EFCAB5: variants seen among roughly 807,000 people sequenced by gnomAD.
EFCAB5 encodes EF-hand calcium binding domain 5.
EFCAB5 carries 131 observed loss-of-function variants against 167.9 expected under a neutral mutation model. That is an observed-to-expected ratio of 0.78 (90% CI 0.68 to 0.90). EFCAB5 has a LOEUF of 0.90. Among genes scored for constraint, EFCAB5 ranks in the 40% least tolerant of loss-of-function variants. The probability of loss-of-function intolerance (pLI) is 0.00; values close to 1 mark genes in which losing one functional copy is unlikely to be tolerated. For synonymous variants in EFCAB5, 574 were observed against 602.8 expected, an observed-to-expected ratio of 0.95 and a Z score of 0.70; for missense variants, 1,663 against 1,745.2, an observed-to-expected ratio of 0.95 and a Z score of 0.84.
intron 7 of EFCAB5, among the ~76,000 whole-genome samples, chr17:30,017,796 G>A (rs1488083832): frequency 6.6e-6 from 1 of 151,910 alleles, no homozygotes; most frequent in African/African-American, 2.4e-5. Context: ...CCCAGTTTTA[G>A]TTATTTTATA....
At chr17:29,936,087 A>G (rs953693855) in intron 1 of EFCAB5, among the ~76,000 whole-genome samples, 1 of 152,236 alleles carries the variant, frequency 6.6e-6, no homozygotes, top group Non-Finnish European at 1.5e-5. Flanking sequence ...GCAGTCAGGG[A>G]AAAAGTGGCA....
intron 14 of EFCAB5, among the ~76,000 whole-genome samples, chr17:30,067,364 C>T (rs1298854852): frequency 1.3e-5 from 2 of 152,106 alleles, no homozygotes; most frequent in South Asian, 2.1e-4. Context: ...CCTCTAATCC[C>T]AGCACTTTGG....
At chr17:30,092,194 GA>G in intron 21 of EFCAB5, 37 bp downstream of exon 21, 1 of 1,567,682 alleles carries the variant, frequency 6.4e-7, no homozygotes, top group Non-Finnish European at 8.6e-7. Context: ...TTAAATTGAA[GA>G]ATCGCCTAAA....
intron 14 of EFCAB5, chr17:30,068,573 T>C: frequency 1.0e-6 from 1 of 962,990 alleles, no homozygotes; most frequent in Non-Finnish European, 1.5e-6. Context: ...ATACTACCGC[T>C]GTCACCAGCT....
At chr17:30,003,086 T>A (rs1355268878) in intron 7 of EFCAB5, among the ~76,000 whole-genome samples, 1 of 138,218 alleles carries the variant, frequency 7.2e-6, no homozygotes, top group Non-Finnish European at 1.6e-5. Context: ...TTTTTCCTCT[T>A]TTTTTTTTGT....
At chr17:30,080,555 T>G (rs1326536539) in intron 16 of EFCAB5, among the ~76,000 whole-genome samples, 198 bp from the exon 17 acceptor site, 1 of 141,734 alleles carries the variant, frequency 7.1e-6, no homozygotes, top group East Asian at 2.0e-4. Flanking sequence ...AGCTTGTTTT[T>G]TTTTTTTTTG....
intron 8 of EFCAB5, among the ~76,000 whole-genome samples, chr17:30,036,402 T>C (rs2069631171): frequency 7.1e-6 from 1 of 141,236 alleles, no homozygotes; most frequent in African/African-American, 2.6e-5. Flanking sequence ...TAATTATATA[T>C]ATAATATTAG....
chr17:29,983,958 C>T (rs1012314144), intron 4 of EFCAB5, among the ~76,000 whole-genome samples: 20 of 151,864 alleles, frequency 1.3e-4, no homozygotes, highest in Non-Finnish European at 4.4e-5. Flanking sequence ...TGACAGAAAA[C>T]CAATTTTGTG....
chr17:30,059,464 T>A, intron 13 of EFCAB5, 81 bp from the exon 14 acceptor site: 2 of 1,395,312 alleles, frequency 1.4e-6, no homozygotes, highest in Non-Finnish European at 1.9e-6. Flanking sequence ...GACGCTGGAC[T>A]TTTTTTGGAA....
chr17:29,945,673 C>A (rs2067383220), intron 3 of EFCAB5, among the ~76,000 whole-genome samples: 1 of 151,942 alleles, frequency 6.6e-6, no homozygotes, highest in Admixed American at 6.6e-5. Flanking sequence ...TAATAGAGAA[C>A]CCAGAAATAA....
chr17:29,941,713 T>C lies in EFCAB5; in HGVS notation c.-84T>C, dbSNP rs149226740. ...AACTTCTGGAGTACTTTGTGATGTT[T>C]ATTAATATTTTCTTTCTTTTTGTTA... is the stretch of plus-strand genomic sequence containing the variant. On this transcript the variant is annotated 5_prime_UTR_variant, in exon 1 of 23. Transcript: ENST00000394835. The C allele has an allele frequency of 1.4e-5, 18 of 1,260,746 alleles. No homozygotes were observed. In the East Asian group the frequency reaches 3.8e-4, roughly 27 times the overall value. 78.1% of individuals were successfully genotyped at this position (1,260,746 alleles called of 1,614,324 possible). A position where few individuals can be genotyped will look rare whatever the true frequency, so the allele number is the denominator to read the frequency against.
chr17:29,999,288 A>G (rs1255288998), intron 6 of EFCAB5, among the ~76,000 whole-genome samples: 1 of 151,986 alleles, frequency 6.6e-6, no homozygotes, highest in African/African-American at 2.4e-5. Context: ...CATATTTATA[A>G]GTAGAAAAAA....
chr17:29,965,036 G>A (rs535863112), intron 3 of EFCAB5, among the ~76,000 whole-genome samples: 4 of 151,324 alleles, frequency 2.6e-5, no homozygotes, highest in South Asian at 2.1e-4. Context: ...CGAGTAGTTC[G>A]GACTACAGGC....
chr17:30,081,275 G>A (rs544739283), intron 17 of EFCAB5, among the ~76,000 whole-genome samples: 1 of 152,314 alleles, frequency 6.6e-6, no homozygotes, highest in East Asian at 1.9e-4. Flanking sequence ...TGACCATTAA[G>A]ACCCACAAAG....
chr17:30,053,139 C>G (rs1259441737), intron 9 of EFCAB5, 116 bp from the exon 10 acceptor site: 4 of 1,170,246 alleles, frequency 3.4e-6, no homozygotes, highest in Non-Finnish European at 4.8e-6. Context: ...TTATTTAGAG[C>G]AATAGGCCTA....
chr17:29,972,691 C>T (rs2151587657), intron 4 of EFCAB5: 1 of 196,090 alleles, frequency 5.1e-6, no homozygotes, highest in East Asian at 1.2e-4. Context: ...GCTTTGGAGG[C>T]AGGGCTTCAA....
At position 30,059,596 on chromosome 17, in the gene EFCAB5, T is replaced by C. The variant is rs1259300085; in HGVS notation, c.2632T>C (p.Phe878Leu). 2 of 1,611,816 alleles carry C rather than the reference T, an allele frequency of 1.2e-6. No homozygotes were observed. The highest frequency in any genetic ancestry group is 8.5e-7 in the Non-Finnish European group (1 of 1,178,336). ...VRQRLLLEAI[F>L]QKWDSDGSGF... Reference sequence around the variant, plus strand: ...ACAGAGGCTTCTCCTAGAAGCCATCTTTCAGAAGTGGGACAGTGATGGCTC... The same window carrying C: ...ACAGAGGCTTCTCCTAGAAGCCATCCTTCAGAAGTGGGACAGTGATGGCTC... The change falls in exon 14 of 23, where the codon TTT becomes CTT. Residue 878 changes from phenylalanine (F) to leucine (L), a missense_variant. By Grantham distance (22) the Phe-to-Leu change is conservative (BLOSUM62 0). Transcript: ENST00000394835.
chr17:30,066,036 C>G (rs754641348), intron 14 of EFCAB5, among the ~76,000 whole-genome samples: 2 of 152,200 alleles, frequency 1.3e-5, no homozygotes, highest in Non-Finnish European at 2.9e-5. Flanking sequence ...CAGCATGGGA[C>G]AGATCATTTA....
chr17:29,940,737 T>G (rs114463496), upstream of EFCAB5, among the ~76,000 whole-genome samples: 1 of 152,070 alleles, frequency 6.6e-6, no homozygotes, highest in Non-Finnish European at 1.5e-5. Context: ...ATGTGTTATG[T>G]TGATAAAAAG....
Sources: allele counts gnomAD v4.1 joint callset (sites outside exome capture counted in the v4.1 genomes callset), GRCh38; gene constraint gnomAD v4.1.1; transcripts MANE v1.5; gene names NCBI Gene and HGNC (gene_info 2026-07-23, HGNC 2026-07-21).